SSBP3: variants seen among roughly 807,000 people sequenced by gnomAD.
SSBP3 encodes the protein single-stranded DNA-binding protein 3.
Under a neutral mutation model 69.6 loss-of-function variants are expected in SSBP3, and 5 were observed. The ratio of observed to expected loss-of-function variants is 0.07; its 90% CI spans 0.04 to 0.15. The LOEUF (loss-of-function observed/expected upper bound fraction) is 0.15. Ranked by LOEUF, SSBP3 falls within the 10% of genes least tolerant of loss-of-function variation. The pLI is 1.00. For synonymous variants in SSBP3, 196 were observed against 193.4 expected, an observed-to-expected ratio of 1.01 and a Z score of -0.11; for missense variants, 312 against 534.0, an observed-to-expected ratio of 0.58 and a Z score of 4.10.
chr1:54,239,499 T>C (rs142781098), intron 13 of SSBP3, among the ~76,000 whole-genome samples: 1 of 151,984 alleles, frequency 6.6e-6, no homozygotes, highest in Non-Finnish European at 1.5e-5. Flanking sequence ...TGGGACAACA[T>C]GGGGGCAGCA....
At chr1:54,405,119 G>T (rs929429916) in intron 1 of SSBP3, among the ~76,000 whole-genome samples, 189 bp from the exon 2 acceptor site, 1 of 152,162 alleles carries the variant, frequency 6.6e-6, no homozygotes, top group South Asian at 2.1e-4. Context: ...GGGGACCAGG[G>T]AACGCGTTAC....
chr1:54,300,102 G>A (rs1449304097), intron 4 of SSBP3, among the ~76,000 whole-genome samples: 1 of 152,218 alleles, frequency 6.6e-6, no homozygotes, highest in East Asian at 1.9e-4. Context: ...AAGGCCGAGA[G>A]AGGGTAAGGG....
chr1:54,262,168 C>T (rs548642125), intron 5 of SSBP3, among the ~76,000 whole-genome samples: 5 of 152,278 alleles, frequency 3.3e-5, no homozygotes, highest in African/African-American at 9.6e-5. Context: ...GTGAGAGTAA[C>T]AATAACAGGG....
intron 5 of SSBP3, among the ~76,000 whole-genome samples, chr1:54,261,949 C>T (rs190959547): frequency 6.6e-6 from 1 of 152,234 alleles, no homozygotes; most frequent in East Asian, 1.9e-4. Flanking sequence ...AAGAGAGGCC[C>T]ATGACAGAGG....
intron 4 of SSBP3, among the ~76,000 whole-genome samples, chr1:54,290,854 G>C (rs1021197841): frequency 6.6e-6 from 1 of 152,198 alleles, no homozygotes; most frequent in Non-Finnish European, 1.5e-5. Flanking sequence ...CAACAGCTCG[G>C]TATTTGTACA....
intron 4 of SSBP3, among the ~76,000 whole-genome samples, chr1:54,361,490 TGA>T (rs1646951435): frequency 6.6e-6 from 1 of 152,014 alleles, no homozygotes; most frequent in Admixed American, 6.6e-5. Context: ...GCACTCCCGC[TGA>T]GTGTGGGATA....
chr1:54,354,629 G>A (rs1343942250), intron 4 of SSBP3, among the ~76,000 whole-genome samples: 1 of 152,078 alleles, frequency 6.6e-6, no homozygotes, highest in Non-Finnish European at 1.5e-5. Flanking sequence ...GATGGGGAGG[G>A]GGAGTGAGCC....
chr1:54,275,379 T>C (rs1284491883), intron 5 of SSBP3, among the ~76,000 whole-genome samples: 1 of 152,242 alleles, frequency 6.6e-6, no homozygotes, highest in East Asian at 1.9e-4. Context: ...AGTCTCCCCT[T>C]GTCACAAACT....
chr1:54,349,431 A>G (rs921520330), intron 4 of SSBP3, among the ~76,000 whole-genome samples: 1 of 152,256 alleles, frequency 6.6e-6, no homozygotes, highest in Non-Finnish European at 1.5e-5. Context: ...TCAAAACTGC[A>G]TGATACACTG....
Position 54,291,991 on chromosome 1 carries a change from G to T in SSBP3, c.277-10464C>A, listed in dbSNP as rs1557502758. On this transcript the variant is annotated intron_variant, in intron 4 of 17. Coordinates refer to ENST00000610401, the Ensembl canonical transcript of SSBP3. ...TGCTAGATACAGCTGAGAAGGAAGG[G>T]AGAGAGGCCCACACTGACCCCCTTA... is the stretch of plus-strand genomic sequence containing the variant. 2.0e-5 allele frequency among the ~76,000 whole-genome samples: 3 copies of T among 152,330 alleles called. No homozygotes were observed. In the East Asian group the frequency reaches 5.8e-4, roughly 29 times the overall value.
Position 54,327,528 on chromosome 1 carries a change from C to G in SSBP3, c.277-46001G>C, listed in dbSNP as rs532814004. Reference sequence around the variant, plus strand: ...ACAGAATTTTCAAGTCAAATGTAGCCGTTAACATAAATAAAGCATCGCCCT... The same window carrying G: ...ACAGAATTTTCAAGTCAAATGTAGCGGTTAACATAAATAAAGCATCGCCCT... On this transcript the variant is annotated intron_variant, in intron 4 of 17. Transcript: ENST00000610401. Among the ~76,000 whole-genome samples, 11 of 152,176 alleles carry G rather than the reference C, an allele frequency of 7.2e-5. No homozygotes were observed. The East Asian group carries it at 1.9e-3, about 27-fold the overall frequency.
chr1:54,395,902 C>G (rs1051235153), intron 4 of SSBP3, among the ~76,000 whole-genome samples: 1 of 151,982 alleles, frequency 6.6e-6, no homozygotes, highest in African/African-American at 2.4e-5. Flanking sequence ...TACAAAAAAC[C>G]CCGTTACCGG....
chr1:54,232,981 G>T (rs1462343648), intron 14 of SSBP3, among the ~76,000 whole-genome samples: 1 of 152,146 alleles, frequency 6.6e-6, no homozygotes, highest in Admixed American at 6.5e-5. Flanking sequence ...TGCCGAGATT[G>T]CAGCCTCTGC....
intron 4 of SSBP3, among the ~76,000 whole-genome samples, chr1:54,366,172 A>C (rs760712808): frequency 2.6e-4 from 40 of 152,142 alleles, no homozygotes; most frequent in Non-Finnish European, 4.7e-4. Flanking sequence ...GCTGCTGCTA[A>C]CACCCCTCTG....
At position 54,321,624 on chromosome 1, in the gene SSBP3, T is replaced by C. The variant is rs17110363; in HGVS notation, c.277-40097A>G. The stretch of plus-strand genomic sequence containing the variant: ...TCCATGGAAAACTGGGAAATCGATA[T>C]GAAACCTAGAGTTCCCGTGCAAGTC... On this transcript the variant is annotated intron_variant, in intron 4 of 17. Coordinates refer to ENST00000610401, the Ensembl canonical transcript of SSBP3. Among the ~76,000 whole-genome samples the C allele has an allele frequency of 3.9e-3, 592 of 152,336 alleles. 5 individuals carry two copies. Among genetic ancestry groups the C allele is most frequent in the African/African-American group, 0.014 (563 of 41,576 alleles).
intron 4 of SSBP3, among the ~76,000 whole-genome samples, chr1:54,338,954 T>C (rs1199359955): frequency 6.6e-6 from 1 of 152,094 alleles, no homozygotes; most frequent in Non-Finnish European, 1.5e-5. Flanking sequence ...ATGCACGAGG[T>C]CCAAGTTAAA....
At position 54,228,540 on chromosome 1, in the gene SSBP3, C is replaced by T. The variant is rs897085291; in HGVS notation, c.1007-63G>A. On this transcript the variant is annotated intron_variant, in intron 15 of 17. Transcript: ENST00000610401. ...GCTCTTCCACGGAGGGGTCTCCCCT[C>T]GTCCTGGGCTCCTCGGGCCTCTAAG... is the stretch of plus-strand genomic sequence containing the variant. 4.5e-5 allele frequency: 72 copies of T among 1,607,468 alleles called. No individual in the cohort carries two copies. The Middle Eastern group carries it at 5.3e-4, about 12-fold the overall frequency.
intron 4 of SSBP3, among the ~76,000 whole-genome samples, chr1:54,396,480 T>A (rs1045083782): frequency 2.6e-5 from 4 of 152,078 alleles, no homozygotes; most frequent in African/African-American, 9.7e-5. Context: ...TCCCTGCCAC[T>A]TCTCCCTGTT....
chr1:54,248,829 A>G (rs1309272745), intron 9 of SSBP3, among the ~76,000 whole-genome samples: 1 of 152,226 alleles, frequency 6.6e-6, no homozygotes, highest in Non-Finnish European at 1.5e-5. Flanking sequence ...CCAGAGGAGT[A>G]TAGGAAACAT....
Sources: gnomAD v4.1 joint callset for allele counts (sites outside exome capture counted in the v4.1 genomes callset) on GRCh38, gnomAD v4.1.1 for gene constraint, MANE v1.5 for transcripts, NCBI Gene and HGNC (gene_info 2026-07-23, HGNC 2026-07-21) for gene names.